Variants in MRO observed in about 807,000 individuals in gnomAD.
The protein encoded by MRO is protein maestro.
MRO carries 28 observed loss-of-function variants against 31.0 expected under a neutral mutation model. The observed-to-expected ratio is 0.90, with a 90% CI of 0.67 to 1.24. The LOEUF (loss-of-function observed/expected upper bound fraction) is 1.24. MRO is among the 50% of genes most tolerant of loss of function. The pLI is 0.00. For synonymous variants in MRO, 108 were observed against 108.4 expected, an observed-to-expected ratio of 1.00 and a Z score of 0.02; for missense variants, 332 against 289.2, an observed-to-expected ratio of 1.15 and a Z score of -1.07.
At chr18:50,824,594 A>G (rs2144693095), upstream of MRO, among the ~76,000 whole-genome samples, 1 of 150,920 alleles carries the variant, frequency 6.6e-6, no homozygotes, top group South Asian at 2.1e-4. Context: ...AGCTGGGACT[A>G]CAGGTGCGTG....
intron 4 of MRO, among the ~76,000 whole-genome samples, chr18:50,806,413 A>G (rs1205491520): frequency 6.6e-6 from 1 of 152,152 alleles, no homozygotes; most frequent in Non-Finnish European, 1.5e-5. Context: ...TCTGCCAACA[A>G]CGATGTAAGC....
intron 2 of MRO, among the ~76,000 whole-genome samples, chr18:50,810,739 T>A (rs1914404333): frequency 6.6e-6 from 1 of 152,214 alleles, no homozygotes; most frequent in South Asian, 2.1e-4. Flanking sequence ...AATTTGAAGA[T>A]CTTGTTCAGT....
rs773998569 is a variant in MRO at position 50,805,192 on chromosome 18, T to C, written c.391A>G (p.Ile131Val). The change falls in exon 5 of 8, where the codon ATA becomes GTA. Residue 131 changes from isoleucine (I) to valine (V), a missense_variant. Transcript: ENST00000398439. ...GTCCTGGTCTGAAGGGTGATATCTATGAAGAAGGAACCCAAACCTTTCCCC... is the reference window on the plus strand; with the variant it reads ...GTCCTGGTCTGAAGGGTGATATCTACGAAGAAGGAACCCAAACCTTTCCCC... ...IQGKGLGSFF[I>V]DITLQTRTLL... 3.7e-6 allele frequency: 6 copies of C among 1,613,630 alleles called. No homozygotes were observed. Among genetic ancestry groups the C allele is most frequent in the Non-Finnish European group, 3.4e-6 (4 of 1,179,614 alleles).
At chr18:50,806,056 T>C (rs1218374741) in intron 4 of MRO, among the ~76,000 whole-genome samples, 2 of 151,846 alleles carry the variant, frequency 1.3e-5, no homozygotes, top group Admixed American at 1.3e-4. Flanking sequence ...CCCGAGTAGC[T>C]GAGATTGCAG....
chr18:50,813,884 G>A (rs1181530048), intron 2 of MRO, among the ~76,000 whole-genome samples: 3 of 151,972 alleles, frequency 2.0e-5, no homozygotes, highest in Non-Finnish European at 4.4e-5. Flanking sequence ...CTACCTGTTG[G>A]GTACCATGCT....
chr18:50,810,452 A>T (rs1459843205), intron 2 of MRO, among the ~76,000 whole-genome samples: 1 of 152,248 alleles, frequency 6.6e-6, no homozygotes, highest in Non-Finnish European at 1.5e-5. Flanking sequence ...ATACATATGT[A>T]CGTATATGCT....
At chr18:50,806,665 G>A (rs1428568561) in intron 4 of MRO, 39 bp downstream of exon 4, 8 of 1,613,150 alleles carry the variant, frequency 5.0e-6, no homozygotes, top group South Asian at 3.3e-5. Context: ...TGGTTGGAGA[G>A]GCTTGGGGAG....
At position 50,805,226 on chromosome 18, in the gene MRO, G is replaced by C. The variant is rs764119031; in HGVS notation, c.357C>G (p.Gly119=). 1 of 1,614,010 alleles carries C rather than the reference G, an allele frequency of 6.2e-7. No homozygotes were observed. The highest frequency in any genetic ancestry group is 8.5e-7 in the Non-Finnish European group (1 of 1,179,914). The change falls in exon 5 of 8, where the codon GGC becomes GGG. Residue 119 remains glycine (G), a synonymous_variant. Coordinates refer to ENST00000398439, the MANE Select transcript of MRO (RefSeq NM_031939.6). The stretch of plus-strand genomic sequence containing the variant: ...AACCCAAACCTTTCCCCTGGATCTT[G>C]CCCAGAACGACGGTCAGAGTCTTCA... The part of the protein sequence containing the change: ...ESMKTLTVVL[G]KIQGKGLGSF...
upstream of MRO, among the ~76,000 whole-genome samples, chr18:50,824,459 C>CT (rs202196810): frequency 0.011 from 1,447 of 131,302 alleles, 61 homozygotes; most frequent in East Asian, 0.16. Context: ...TTTTTTCTTT[C>CT]TTTTTTTTTT....
chr18:50,801,303 A>C, intron 6 of MRO, 46 bp downstream of exon 6: 1 of 1,497,406 alleles, frequency 6.7e-7, no homozygotes, highest in South Asian at 1.4e-5. Context: ...CCCTTTATGA[A>C]TAGCATGGAG....
chr18:50,801,575 C>A, intron 5 of MRO, 71 bp from the exon 6 acceptor site: 1 of 1,423,112 alleles, frequency 7.0e-7, no homozygotes, highest in Non-Finnish European at 9.6e-7. Flanking sequence ...CTGAACACAT[C>A]ACAGCCATCG....
At chr18:50,803,312 G>T (rs893473758) in intron 5 of MRO, among the ~76,000 whole-genome samples, 9 of 152,140 alleles carry the variant, frequency 5.9e-5, no homozygotes, top group Admixed American at 5.9e-4. Context: ...TCAGAGACCA[G>T]CCTGGGCAAC....
chr18:50,800,705 T>C (rs1057019633), intron 6 of MRO, among the ~76,000 whole-genome samples: 1 of 151,512 alleles, frequency 6.6e-6, no homozygotes, highest in African/African-American at 2.4e-5. Context: ...GCCAGCATGG[T>C]GAAATCCCAT....
rs1913823040 is a variant in MRO, at chr18:50,805,341, C to T, written c.247-5G>A. On this transcript the variant is annotated splice_region_variant and splice_polypyrimidine_tract_variant and intron_variant, in intron 4 of 7. Transcript: ENST00000398439. ...AATTTTCTTATACTTTCTCACCTGT[C>T]ACCAAGGTTTGAAAAGCAGTAATAG... is the stretch of plus-strand genomic sequence containing the variant. The T allele has an allele frequency of 4.3e-6, 7 of 1,612,696 alleles. No individual in the cohort carries two copies. The highest frequency in any genetic ancestry group is 5.9e-6 in the Non-Finnish European group (7 of 1,179,192).
At chr18:50,813,747 T>C (rs2218369) in intron 2 of MRO, among the ~76,000 whole-genome samples, 118,871 of 152,140 alleles carry the variant, frequency 0.78, 46,876 homozygotes, top group South Asian at 0.86. Context: ...AACCAAGTAC[T>C]GCATGTTCTC....
chr18:50,800,668 T>C (rs973902392), intron 6 of MRO, among the ~76,000 whole-genome samples: 3 of 152,160 alleles, frequency 2.0e-5, no homozygotes, highest in African/African-American at 7.2e-5. Flanking sequence ...GTGGATCACC[T>C]GAGGTCAGGA....
upstream of MRO, among the ~76,000 whole-genome samples, chr18:50,824,659 T>G (rs1440496595): frequency 6.6e-6 from 1 of 150,490 alleles, no homozygotes; most frequent in African/African-American, 2.4e-5. Flanking sequence ...TTTCACCATG[T>G]TGGTCAGGCT....
intron 2 of MRO, among the ~76,000 whole-genome samples, chr18:50,817,999 C>G (rs4940023): frequency 0.41 from 51,919 of 128,156 alleles, 9,570 homozygotes; most frequent in Admixed American, 0.54. Flanking sequence ...CTCCCACCCC[C>G]CGCCCCATGC....
upstream of MRO, among the ~76,000 whole-genome samples, chr18:50,821,232 A>G (rs933204579): frequency 1.3e-5 from 2 of 152,154 alleles, no homozygotes; most frequent in Non-Finnish European, 2.9e-5. Flanking sequence ...GGTGCCAAGT[A>G]GTGGTAATAG....
Sources: allele counts gnomAD v4.1 joint callset (sites outside exome capture counted in the v4.1 genomes callset), GRCh38; gene constraint gnomAD v4.1.1; transcripts MANE v1.5; gene names NCBI Gene and HGNC (gene_info 2026-07-23, HGNC 2026-07-21).